The following ACSL4 variants were observed in gnomAD, a reference collection of about 807,000 sequenced individuals.
The protein encoded by ACSL4 is long-chain-fatty-acid--CoA ligase 4.
A neutral mutation model predicts 49.1 loss-of-function variants in ACSL4; 9 were observed. That is an observed-to-expected ratio of 0.18 (90% CI 0.11 to 0.32). ACSL4 has a LOEUF of 0.32. ACSL4 is among the 10% of genes least tolerant of loss of function. ACSL4 has a pLI of 1.00. For missense variants in ACSL4, 333 were observed against 493.7 expected (o/e 0.67, Z 3.08); for synonymous variants, 191 against 170.3 (o/e 1.12, Z -0.95).
At chrX:109,668,389 T>C (rs1331418667) in intron 10 of ACSL4, 116 bp from the exon 11 acceptor site, 2 of 641,688 alleles carry the variant, frequency 3.1e-6, no homozygotes, top group Admixed American at 7.6e-5. Flanking sequence ...AATGTCAGAA[T>C]CACGGTGAGA....
intron 1 of ACSL4, among the ~76,000 whole-genome samples, chrX:109,698,652 C>T (rs1481445470): frequency 4.5e-5 from 5 of 111,159 alleles, no homozygotes; most frequent in Admixed American, 3.9e-4. Flanking sequence ...AATACAGCAT[C>T]AAGGGTTTAT....
At chrX:109,644,978 G>A (rs1934592459) in intron 15 of ACSL4, among the ~76,000 whole-genome samples, 1 of 113,013 alleles carries the variant, frequency 8.8e-6, no homozygotes, top group Non-Finnish European at 1.9e-5. Context: ...TTAAAAAACG[G>A]TGCACCAGGA....
In ACSL4 at chrX:109,645,325, G is replaced by C. The variant is rs766871399; in HGVS notation, c.1856-1139C>G. ...TCTCCCAGCACGCAGCTGGAGATCT[G>C]AGAATGGGCAGACTGCCTCCTCAAG... On this transcript the variant is annotated intron_variant, in intron 15 of 15. Transcript: ENST00000672401. 5.3e-5 allele frequency among the ~76,000 whole-genome samples: 6 copies of C among 112,453 alleles called. No homozygotes were observed. In the South Asian group the frequency reaches 2.2e-3, roughly 41 times the overall value.
intron 2 of ACSL4, among the ~76,000 whole-genome samples, chrX:109,695,293 C>T (rs774376757): frequency 1.0e-3 from 110 of 106,719 alleles, no homozygotes; most frequent in African/African-American, 3.6e-3. Flanking sequence ...TGCAGTGAGC[C>T]GAGATCACAC....
chrX:109,705,558 A>G (rs1488104503), intron 1 of ACSL4, among the ~76,000 whole-genome samples: 2 of 112,604 alleles, frequency 1.8e-5, no homozygotes, highest in Non-Finnish European at 3.8e-5. Context: ...TTCAGTTTAA[A>G]TATGTACCTT....
chrX:109,686,868 G>A (rs1924653333), intron 2 of ACSL4, among the ~76,000 whole-genome samples: 1 of 110,481 alleles, frequency 9.1e-6, no homozygotes, highest in Non-Finnish European at 1.9e-5. Flanking sequence ...TAGTCTAGAG[G>A]TTTTCAAATT....
intron 1 of ACSL4, among the ~76,000 whole-genome samples, chrX:109,713,159 C>T (rs1926878549): frequency 9.0e-6 from 1 of 111,044 alleles, no homozygotes; most frequent in South Asian, 3.8e-4. Context: ...ACATCAGCAG[C>T]TTGTCTATAA....
chrX:109,725,641 T>C (rs947952978), intron 1 of ACSL4, among the ~76,000 whole-genome samples: 1 of 109,953 alleles, frequency 9.1e-6, no homozygotes, highest in South Asian at 3.9e-4. Context: ...AGGGCGCCTG[T>C]AGTCAGGAGA....
chrX:109,714,344 A>G (rs1926966398), intron 1 of ACSL4, among the ~76,000 whole-genome samples: 1 of 112,629 alleles, frequency 8.9e-6, no homozygotes, highest in Admixed American at 9.4e-5. Context: ...AAAAGAATCA[A>G]AAAGTCAAAA....
intron 6 of ACSL4, among the ~76,000 whole-genome samples, chrX:109,679,140 T>C (rs998662134): frequency 1.8e-5 from 2 of 112,211 alleles, no homozygotes; most frequent in Non-Finnish European, 3.8e-5. Flanking sequence ...AGATTCAATA[T>C]GTCTGGGATA....
intron 1 of ACSL4, among the ~76,000 whole-genome samples, chrX:109,721,956 T>G (rs746813856): frequency 1.8e-5 from 2 of 110,818 alleles, no homozygotes; most frequent in Non-Finnish European, 3.8e-5. Context: ...CCTAAAATCC[T>G]CTGTACTGTG....
At position 109,643,878 on chromosome X, in the gene ACSL4, C is replaced by T; in HGVS notation, c.*151G>A. The T allele has an allele frequency of 1.5e-6, 1 of 666,242 alleles. No individual in the cohort carries two copies. Among genetic ancestry groups the T allele is most frequent in the Non-Finnish European group, 2.3e-6 (1 of 432,581 alleles). The allele number at this position is 666,242 out of a possible 1,213,427, so 54.9% of individuals were successfully genotyped here. On this transcript the variant is annotated 3_prime_UTR_variant, in exon 16 of 16. Transcript: ENST00000672401. ...AACTAAGTTAAAGTAAACCGGACAACAATTTTAATAACTTTTGGTTTTGTT... is the reference window on the plus strand; with the variant it reads ...AACTAAGTTAAAGTAAACCGGACAATAATTTTAATAACTTTTGGTTTTGTT...
intron 1 of ACSL4, among the ~76,000 whole-genome samples, chrX:109,710,028 C>G (rs1029810298): frequency 2.7e-5 from 3 of 111,585 alleles, no homozygotes; most frequent in African/African-American, 9.8e-5. Context: ...TCGCTTGAAC[C>G]CGGGAGGCGG....
In ACSL4 at chrX:109,653,441, C is replaced by T. The variant is rs764549676; in HGVS notation, c.1855+5913G>A. Among the ~76,000 whole-genome samples the T allele has an allele frequency of 3.6e-5, 4 of 111,582 alleles. No individual in the cohort carries two copies. The South Asian group carries it at 1.5e-3, about 42-fold the overall frequency. ...AACTAGAAGTACCATTTGACCCAGC[C>T]ATCCCATTACTGGGTATATACTCAA... On this transcript the variant is annotated intron_variant, in intron 15 of 15. Transcript: ENST00000672401.
At chrX:109,667,938 ATACT>A (rs1353582053) in intron 11 of ACSL4, among the ~76,000 whole-genome samples, 159 bp downstream of exon 11, 11 of 111,934 alleles carry the variant, frequency 9.8e-5, no homozygotes, top group Non-Finnish European at 1.9e-4. Flanking sequence ...GGTCCACATG[ATACT>A]TATAATTAAG....
intron 1 of ACSL4, among the ~76,000 whole-genome samples, chrX:109,704,980 G>C (rs141688564): frequency 5.4e-5 from 6 of 111,032 alleles, no homozygotes; most frequent in Non-Finnish European, 7.6e-5. Context: ...ATACATAAGA[G>C]GGCAGGAGGA....
intron 1 of ACSL4, among the ~76,000 whole-genome samples, chrX:109,725,821 C>A (rs1466511023): frequency 1.8e-5 from 2 of 111,401 alleles, no homozygotes; most frequent in Non-Finnish European, 3.8e-5. Flanking sequence ...GTCATCTTAC[C>A]CACATTTAAG....
intron 1 of ACSL4, among the ~76,000 whole-genome samples, chrX:109,698,039 C>T (rs757845563): frequency 1.8e-5 from 2 of 111,440 alleles, no homozygotes; most frequent in Non-Finnish European, 3.8e-5. Context: ...TAGAGAGTGT[C>T]AGGGAATTCT....
intron 15 of ACSL4, among the ~76,000 whole-genome samples, chrX:109,654,963 C>T (rs1242360080): frequency 9.0e-6 from 1 of 111,553 alleles, no homozygotes; most frequent in Admixed American, 9.5e-5. Context: ...ACTGCTCTCC[C>T]ATCCCCCTCA....
Sources: gnomAD v4.1 joint callset for allele counts (sites outside exome capture counted in the v4.1 genomes callset) on GRCh38, gnomAD v4.1.1 for gene constraint, MANE v1.5 for transcripts, NCBI Gene and HGNC (gene_info 2026-07-23, HGNC 2026-07-21) for gene names.